Variants in MMS22L observed in about 807,000 individuals in gnomAD.
MMS22L encodes MMS22 like, DNA repair protein, also known as protein MMS22-like.
A neutral mutation model predicts 159.1 loss-of-function variants in MMS22L; 74 were observed. The observed-to-expected ratio is 0.47, with a 90% CI of 0.39 to 0.56. The LOEUF (loss-of-function observed/expected upper bound fraction) is 0.56. Among genes scored for constraint, MMS22L ranks in the 20% least tolerant of loss-of-function variants. The probability of loss-of-function intolerance (pLI) is 0.00; values close to 1 mark genes in which losing one functional copy is unlikely to be tolerated. For missense variants in MMS22L, 1,351 were observed against 1,422.1 expected (o/e 0.95, Z 0.80); for synonymous variants, 517 against 506.9 (o/e 1.02, Z -0.27).
intron 22 of MMS22L, among the ~76,000 whole-genome samples, chr6:97,154,179 T>G (rs567808092): frequency 6.6e-6 from 1 of 152,334 alleles, no homozygotes; most frequent in East Asian, 1.9e-4. Flanking sequence ...TGAAGTGATA[T>G]CTCGGGGTAG....
At chr6:97,262,655 C>T (rs1353884622) in intron 9 of MMS22L, among the ~76,000 whole-genome samples, 1 of 73,228 alleles carries the variant, frequency 1.4e-5, no homozygotes, top group African/African-American at 4.7e-5. Context: ...GCAAGACTGC[C>T]TCAAAAAAAA....
intron 11 of MMS22L, among the ~76,000 whole-genome samples, chr6:97,245,811 T>G (rs1410135034): frequency 1.3e-5 from 2 of 150,160 alleles, no homozygotes; most frequent in African/African-American, 4.9e-5. Flanking sequence ...AAAGAAAATT[T>G]CAAGCAATTA....
At chr6:97,220,271 A>C (rs1809488520) in intron 14 of MMS22L, among the ~76,000 whole-genome samples, 1 of 152,204 alleles carries the variant, frequency 6.6e-6, no homozygotes, top group Admixed American at 6.5e-5. Context: ...AGAAAAAGTT[A>C]CAGATTAAGG....
At chr6:97,247,804 T>G (rs930663817) in intron 10 of MMS22L, among the ~76,000 whole-genome samples, 2 of 152,178 alleles carry the variant, frequency 1.3e-5, no homozygotes, top group Non-Finnish European at 2.9e-5. Context: ...CATCATACCC[T>G]TCTTATCCCT....
At chr6:97,278,681 C>T (rs928735864) in intron 4 of MMS22L, among the ~76,000 whole-genome samples, 168 bp downstream of exon 4, 8 of 152,162 alleles carry the variant, frequency 5.3e-5, no homozygotes, top group Admixed American at 5.2e-4. Context: ...ATCTCAGCTA[C>T]AACAAAATTT....
At chr6:97,156,159 C>T (rs966093855) in intron 22 of MMS22L, among the ~76,000 whole-genome samples, 4 of 152,114 alleles carry the variant, frequency 2.6e-5, no homozygotes, top group Non-Finnish European at 4.4e-5. Flanking sequence ...ATATCCTTCG[C>T]CCATTTTTTG....
chr6:97,198,773 G>A (rs1163659248), intron 14 of MMS22L, among the ~76,000 whole-genome samples: 3 of 152,090 alleles, frequency 2.0e-5, no homozygotes, highest in Non-Finnish European at 4.4e-5. Flanking sequence ...CTGGTTTCAG[G>A]ACAAATGAAT....
chr6:97,249,924 T>C (rs1813069028), intron 10 of MMS22L, among the ~76,000 whole-genome samples: 1 of 152,116 alleles, frequency 6.6e-6, no homozygotes, highest in Non-Finnish European at 1.5e-5. Flanking sequence ...ATCAAAGCAT[T>C]TGAATCACAA....
intron 14 of MMS22L, among the ~76,000 whole-genome samples, chr6:97,221,521 T>C (rs1809647157): frequency 6.7e-6 from 1 of 148,538 alleles, no homozygotes. Context: ...GTGAAAATAC[T>C]AATTTATAGT....
chr6:97,257,662 A>C (rs1475917661), intron 9 of MMS22L, among the ~76,000 whole-genome samples: 1 of 152,064 alleles, frequency 6.6e-6, no homozygotes, highest in Non-Finnish European at 1.5e-5. Flanking sequence ...CCTGGGCTCA[A>C]GCAATCCTCT....
At chr6:97,171,514 T>G (rs1159510784) in intron 19 of MMS22L, among the ~76,000 whole-genome samples, 1 of 152,134 alleles carries the variant, frequency 6.6e-6, no homozygotes, top group Non-Finnish European at 1.5e-5. Context: ...CTATCAGATA[T>G]GAAGAATGAG....
At chr6:97,271,145 A>G (rs1303947317) in intron 6 of MMS22L, 1 of 152,120 alleles carries the variant, frequency 6.6e-6, no homozygotes, top group African/African-American at 2.4e-5. Flanking sequence ...GACTGTTATA[A>G]CAAATATATA....
chr6:97,236,323 CAAAAAAAAAAA>C (rs58792910), intron 11 of MMS22L, among the ~76,000 whole-genome samples: 2 of 94,614 alleles, frequency 2.1e-5, no homozygotes, highest in East Asian at 3.7e-4. Flanking sequence ...ACTCTTTCTC[CAAAAAAAAAAA>C]AAAAAAAAAG....
At chr6:97,252,082 CAA>C (rs759073880) in intron 10 of MMS22L, among the ~76,000 whole-genome samples, 29 of 114,458 alleles carry the variant, frequency 2.5e-4, no homozygotes, top group Admixed American at 3.7e-4. Flanking sequence ...GACTCCATCT[CAA>C]AAAAAAAAAA....
intron 9 of MMS22L, among the ~76,000 whole-genome samples, chr6:97,263,126 C>T (rs1233758356): frequency 1.3e-5 from 2 of 151,830 alleles, no homozygotes; most frequent in Non-Finnish European, 2.9e-5. Flanking sequence ...CCTTGTACTG[C>T]TCTTAGATTT....
chr6:97,280,580 C>CT (rs1816673841), intron 3 of MMS22L, among the ~76,000 whole-genome samples: 1 of 152,232 alleles, frequency 6.6e-6, no homozygotes, highest in East Asian at 1.9e-4. Context: ...TCCCAAAGTG[C>CT]TGGGATTACA....
chr6:97,149,616 G>T (rs924648988), intron 24 of MMS22L, among the ~76,000 whole-genome samples: 9 of 152,076 alleles, frequency 5.9e-5, no homozygotes, highest in African/African-American at 2.2e-4. Flanking sequence ...TTTCTAAAGC[G>T]GTCACTTTGA....
intron 19 of MMS22L, among the ~76,000 whole-genome samples, chr6:97,169,516 A>G (rs1803309650): frequency 6.6e-6 from 1 of 152,162 alleles, no homozygotes; most frequent in Non-Finnish European, 1.5e-5. Flanking sequence ...CTGAAGGAAA[A>G]CCAAAATATG....
At chr6:97,272,569 TG>T in intron 6 of MMS22L, 134 bp downstream of exon 6, 2 of 711,450 alleles carry the variant, frequency 2.8e-6, no homozygotes, top group South Asian at 2.1e-5. Context: ...AAAAGGAGGA[TG>T]GGGGGCAAGA....
Sources: allele counts gnomAD v4.1 joint callset (sites outside exome capture counted in the v4.1 genomes callset), GRCh38; gene constraint gnomAD v4.1.1; transcripts MANE v1.5; gene names NCBI Gene and HGNC (gene_info 2026-07-23, HGNC 2026-07-21).